Variants in PLAC1 observed in about 807,000 individuals in gnomAD.
PLAC1 encodes the protein placenta associated 1.
For missense variants in PLAC1, 136 were observed against 163.2 expected (o/e 0.83, Z 0.91); for synonymous variants, 68 against 62.1 (o/e 1.09, Z -0.44).
At chrX:134,631,763 A>T (rs769629754) in intron 1 of PLAC1, among the ~76,000 whole-genome samples, 25 of 111,735 alleles carry the variant, frequency 2.2e-4, no homozygotes, top group Non-Finnish European at 3.8e-4. Flanking sequence ...AACACTTCTC[A>T]TCTGTGATAG....
At chrX:134,605,781 T>G (rs1314555738) in intron 1 of PLAC1, 5 of 112,202 alleles carry the variant, frequency 4.5e-5, no homozygotes, top group Non-Finnish European at 9.4e-5. Context: ...GACTGTGCCA[T>G]GCACTGGGAT....
chrX:134,716,302 A>C (rs2078643134), intron 2 of PLAC1, among the ~76,000 whole-genome samples: 1 of 112,605 alleles, frequency 8.9e-6, no homozygotes, highest in African/African-American at 3.2e-5. Context: ...TCAGCTGCTA[A>C]TGGCAAAAAA....
intron 2 of PLAC1, among the ~76,000 whole-genome samples, chrX:134,688,669 C>T (rs1008084810): frequency 8.9e-6 from 1 of 112,325 alleles, no homozygotes; most frequent in African/African-American, 3.2e-5. Flanking sequence ...CATTTAAATG[C>T]TTGTTCTCTT....
intron 2 of PLAC1, among the ~76,000 whole-genome samples, chrX:134,687,940 T>G (rs2078524001): frequency 2.0e-5 from 2 of 98,756 alleles, no homozygotes; most frequent in African/African-American, 3.8e-5. Context: ...TAGTGACGCC[T>G]CACAGTGGGG....
In PLAC1 at chrX:134,697,917, A is replaced by C. The variant is rs1405561219; in HGVS notation, n.174+35518T>G. ...AAACTACCATCATGACCCTATTTAC[A>C]TACATGCTCTGACACATACACACAT... On this transcript the variant is annotated intron_variant and non_coding_transcript_variant, in intron 2 of 2. Coordinates refer to the PLAC1 transcript ENST00000466797. Among the ~76,000 whole-genome samples the C allele has an allele frequency of 3.6e-5, 4 of 111,647 alleles. No individual in the cohort carries two copies. In the East Asian group the frequency reaches 1.1e-3, roughly 31 times the overall value.
intron 2 of PLAC1, among the ~76,000 whole-genome samples, chrX:134,723,217 C>A (rs1451740909): frequency 1.8e-5 from 2 of 110,429 alleles, no homozygotes; most frequent in Admixed American, 2.0e-4. Flanking sequence ...AAGTATAAAT[C>A]AATTTCAATT....
chrX:134,632,950 T>A (rs2078268849), intron 1 of PLAC1, among the ~76,000 whole-genome samples: 1 of 111,170 alleles, frequency 9.0e-6, no homozygotes, highest in African/African-American at 3.3e-5. Flanking sequence ...CAATCAAACA[T>A]CCCATTAACT....
chrX:134,572,955 T>C (rs2077916960), intron 2 of PLAC1, among the ~76,000 whole-genome samples: 1 of 111,866 alleles, frequency 8.9e-6, no homozygotes, highest in Non-Finnish European at 1.9e-5. Context: ...GTTCATCTCA[T>C]ACACAAATAA....
At chrX:134,649,284 A>C (rs770678417) in intron 1 of PLAC1, among the ~76,000 whole-genome samples, 33 of 108,414 alleles carry the variant, frequency 3.0e-4, no homozygotes, top group African/African-American at 9.5e-4. Flanking sequence ...AAAAAAAAAG[A>C]CAAAGCTAAT....
At chrX:134,600,959 C>CA (rs1486950217) in intron 2 of PLAC1, 1 of 111,060 alleles carries the variant, frequency 9.0e-6, no homozygotes, top group Non-Finnish European at 1.9e-5. Flanking sequence ...AGGATCCTCA[C>CA]ATCTCAGCCT....
intron 1 of PLAC1, among the ~76,000 whole-genome samples, chrX:134,737,330 G>A (rs1219372053): frequency 8.9e-6 from 1 of 112,421 alleles, no homozygotes; most frequent in South Asian, 3.7e-4. Context: ...AATAGGGATG[G>A]ACTTGTGGAT....
At chrX:134,625,672 T>C (rs2078233475) in intron 1 of PLAC1, among the ~76,000 whole-genome samples, 1 of 111,654 alleles carries the variant, frequency 9.0e-6, no homozygotes, top group African/African-American at 3.3e-5. Context: ...ACGGAAGTTG[T>C]TGGCAGGGGC....
At chrX:134,669,533 G>C (rs375678219) in intron 2 of PLAC1, among the ~76,000 whole-genome samples, 11 of 112,466 alleles carry the variant, frequency 9.8e-5, no homozygotes, top group Non-Finnish European at 1.7e-4. Flanking sequence ...CTTGGTGGGG[G>C]AGCACAGAGG....
At chrX:134,670,627 C>T (rs973469975) in intron 2 of PLAC1, among the ~76,000 whole-genome samples, 1 of 111,668 alleles carries the variant, frequency 9.0e-6, no homozygotes, top group African/African-American at 3.3e-5. Context: ...AAGGAACCTG[C>T]TCTGACTGGC....
intron 2 of PLAC1, among the ~76,000 whole-genome samples, chrX:134,587,718 G>A (rs1216351587): frequency 8.9e-6 from 1 of 111,882 alleles, no homozygotes; most frequent in Non-Finnish European, 1.9e-5. Context: ...TGGTAAGTAG[G>A]GGAGATGGCA....
At chrX:134,721,031 T>C (rs998366269) in intron 2 of PLAC1, among the ~76,000 whole-genome samples, 1 of 112,036 alleles carries the variant, frequency 8.9e-6, no homozygotes, top group Non-Finnish European at 1.9e-5. Flanking sequence ...TGGGAGAAAA[T>C]ATTTGCAAGT....
chrX:134,680,516 T>G (rs2078491017), intron 2 of PLAC1, among the ~76,000 whole-genome samples: 1 of 91,828 alleles, frequency 1.1e-5, no homozygotes, highest in Admixed American at 1.3e-4. Flanking sequence ...GAGCAAGTAT[T>G]CCTAAACTAA....
chrX:134,680,437 T>C (rs1243528970), intron 2 of PLAC1, among the ~76,000 whole-genome samples: 1 of 110,882 alleles, frequency 9.0e-6, no homozygotes, highest in Non-Finnish European at 1.9e-5. Context: ...AAGCAGTGAA[T>C]AGAGGGAAAA....
chrX:134,575,722 T>C (rs1247715226), intron 2 of PLAC1, among the ~76,000 whole-genome samples: 1 of 99,215 alleles, frequency 1.0e-5, no homozygotes, highest in Non-Finnish European at 2.0e-5. Context: ...TGAGCTGAGA[T>C]GGCGCCACTG....
Sources: allele counts gnomAD v4.1 joint callset (sites outside exome capture counted in the v4.1 genomes callset), GRCh38; gene constraint gnomAD v4.1.1; transcripts MANE v1.5; gene names NCBI Gene and HGNC (gene_info 2026-07-23, HGNC 2026-07-21).